Variants in PROX1 observed in about 807,000 individuals in gnomAD.
PROX1 encodes prospero homeobox 1.
A neutral mutation model predicts 58.8 loss-of-function variants in PROX1; 7 were observed. That is an observed-to-expected ratio of 0.12 (90% CI 0.07 to 0.22). The LOEUF (loss-of-function observed/expected upper bound fraction) is 0.22, where lower values mean the gene tolerates loss of function less well. Among genes scored for constraint, PROX1 ranks in the 10% least tolerant of loss-of-function variants. The pLI, the probability that PROX1 is intolerant of heterozygous loss-of-function variation, is 1.00. For synonymous variants in PROX1, 350 were observed against 358.3 expected (o/e 0.98, Z 0.26); for missense variants, 675 against 927.8 (o/e 0.73, Z 3.54).
At chr1:214,009,919 G>A (rs1014668149) in intron 3 of PROX1, among the ~76,000 whole-genome samples, 23 of 152,026 alleles carry the variant, frequency 1.5e-4, no homozygotes, top group African/African-American at 5.1e-4. Context: ...AAGCCGTCAC[G>A]GGGGCCTGTA....
At chr1:213,992,747 C>T (rs1047586765) in intron 1 of PROX1, among the ~76,000 whole-genome samples, 14 of 152,096 alleles carry the variant, frequency 9.2e-5, no homozygotes, top group Admixed American at 6.5e-4. Context: ...GGATAATTAC[C>T]GTAATGAAAC....
rs34477510 is a variant in PROX1, at chr1:214,039,800, TACAC to T, written c.*3994_*3997del. ...CCCTTCCCATGCGCACATGTGCGCA[TACAC>T]ACACACACACACACACACACACACA... On this transcript the variant is annotated 3_prime_UTR_variant, in exon 5 of 5. Coordinates refer to ENST00000366958, the MANE Select transcript of PROX1 (RefSeq NM_001270616.2). The T allele has an allele frequency of 0.016, 2,189 of 134,980 alleles. 27 individuals are homozygous for T. Among genetic ancestry groups the T allele is most frequent in the Middle Eastern group, 0.026 (7 of 274 alleles). 8.4% of individuals were successfully genotyped at this position (134,980 alleles called of 1,614,324 possible). A position where few individuals can be genotyped will look rare whatever the true frequency, so the allele number is the denominator to read the frequency against.
At position 214,035,822 on chromosome 1, in the gene PROX1, G is replaced by A. The variant is rs2102788458; in HGVS notation, c.2202G>A (p.Leu734=). 3.7e-6 allele frequency: 6 copies of A among 1,608,664 alleles called. No individual in the cohort carries two copies. The highest frequency in any genetic ancestry group is 4.2e-6 in the Non-Finnish European group (5 of 1,177,786). The change falls in exon 5 of 5, where the codon CTG becomes CTA. Residue 734 remains leucine (L), a synonymous_variant. Transcript: ENST00000366958. ...AATCCCCGAACTGCCTACAAGAGCT[G>A]CTTCATGAGTAGAAATTTCAACAAC... ...IFKSPNCLQE[L]LHE is the part of the protein sequence containing the mutation.
rs1664857464 is a variant in PROX1 at position 214,037,243 on chromosome 1, G to T, written c.*1409G>T. 1 of 152,044 alleles carries T rather than the reference G, an allele frequency of 6.6e-6. No homozygotes were observed. Among genetic ancestry groups the T allele is most frequent in the South Asian group, 2.1e-4 (1 of 4,816 alleles). The allele number at this position is 152,044 out of a possible 1,614,324, so 9.4% of individuals were successfully genotyped here. On this transcript the variant is annotated 3_prime_UTR_variant, in exon 5 of 5. Transcript: ENST00000366958. ...CATTCACACTTTTTTTCTTAGGTGG[G>T]TTTTTGTGTCCAGATGCAGTAAGAA... is the stretch of plus-strand genomic sequence containing the variant.
intron 1 of PROX1, among the ~76,000 whole-genome samples, chr1:213,992,154 T>C (rs1663060086): frequency 6.6e-6 from 1 of 152,218 alleles, no homozygotes. Flanking sequence ...GAAAATGTTC[T>C]GTGTTCATTT....
chr1:214,008,045 T>C (rs1663777364), intron 3 of PROX1, among the ~76,000 whole-genome samples: 1 of 133,988 alleles, frequency 7.5e-6, no homozygotes, highest in Admixed American at 8.1e-5. Context: ...ATAATAAAGT[T>C]ATTTTATTCA....
At chr1:214,015,569 G>C (rs558666428) in intron 4 of PROX1, among the ~76,000 whole-genome samples, 53 of 152,016 alleles carry the variant, frequency 3.5e-4, no homozygotes, top group African/African-American at 1.3e-3. Flanking sequence ...AGAAGATGAC[G>C]ATCTCTGTCA....
In PROX1 at chr1:214,040,354, T is replaced by C. The variant is rs188458481; in HGVS notation, c.*4520T>C. ...CTTTTCAACTGAGCCTTCTCTCAAA[T>C]CTGACACCCCCTCAGAATGCACAAA... On this transcript the variant is annotated 3_prime_UTR_variant, in exon 5 of 5. Coordinates refer to ENST00000366958, the MANE Select transcript of PROX1 (RefSeq NM_001270616.2). The C allele has an allele frequency of 3.7e-4, 56 of 152,336 alleles. No individual in the cohort carries two copies. Among genetic ancestry groups the C allele is most frequent in the Non-Finnish European group, 6.8e-4 (46 of 68,018 alleles). The allele number at this position is 152,336 out of a possible 1,614,324, so 9.4% of individuals were successfully genotyped here.
chr1:214,006,674 T>C (rs1663725714), intron 3 of PROX1, among the ~76,000 whole-genome samples: 1 of 152,160 alleles, frequency 6.6e-6, no homozygotes, highest in African/African-American at 2.4e-5. Context: ...TAGAGTCTAG[T>C]AGAACCTGGT....
chr1:214,031,694 G>A (rs76781718), intron 4 of PROX1, among the ~76,000 whole-genome samples: 2,387 of 152,282 alleles, frequency 0.016, 37 homozygotes, highest in Admixed American at 0.048. Flanking sequence ...GTGAAGAGGT[G>A]CAGAAAAATA....
At chr1:213,994,799 A>ATATG (rs1553287376) in intron 1 of PROX1, among the ~76,000 whole-genome samples, 1 of 119,602 alleles carries the variant, frequency 8.4e-6, no homozygotes, top group Non-Finnish European at 1.7e-5. Flanking sequence ...ATATATATAT[A>ATATG]TATAAAGAGG....
intron 4 of PROX1, among the ~76,000 whole-genome samples, chr1:214,023,374 A>C (rs1664350239): frequency 6.6e-6 from 1 of 150,758 alleles, no homozygotes; most frequent in Non-Finnish European, 1.5e-5. Flanking sequence ...TATTTTTTTG[A>C]GACACAGAGT....
chr1:214,035,809 G>C lies in PROX1; in HGVS notation c.2189G>C (p.Cys730Ser). Reference sequence around the variant, plus strand: ...CCTGAGATTTTCAAATCCCCGAACTGCCTACAAGAGCTGCTTCATGAGTAG... The same window carrying C: ...CCTGAGATTTTCAAATCCCCGAACTCCCTACAAGAGCTGCTTCATGAGTAG... ...EVPEIFKSPN[C>S]LQELLHE Residue 730 changes from cysteine to serine, a missense_variant, in exon 5 of 5, where the codon TGC becomes TCC. Physicochemically the swap from Cys to Ser is moderately radical, Grantham distance 112. Transcript: ENST00000366958. 1 of 1,611,856 alleles carries C rather than the reference G, an allele frequency of 6.2e-7. No individual in the cohort carries two copies. Among genetic ancestry groups the C allele is most frequent in the Non-Finnish European group, 8.5e-7 (1 of 1,179,282 alleles).
At position 214,040,045 on chromosome 1, in the gene PROX1, C is replaced by A. The variant is rs896492063; in HGVS notation, c.*4211C>A. On this transcript the variant is annotated 3_prime_UTR_variant, in exon 5 of 5. Transcript: ENST00000366958. Reference sequence around the variant, plus strand: ...TACAAATGTTTCCTTCTGGTACAAACTCTGTGTTTGCAAATTTACAAGAAG... The same window carrying A: ...TACAAATGTTTCCTTCTGGTACAAAATCTGTGTTTGCAAATTTACAAGAAG... The A allele has an allele frequency of 6.6e-6, 1 of 152,180 alleles. No homozygotes were observed. Among genetic ancestry groups the A allele is most frequent in the Non-Finnish European group, 1.5e-5 (1 of 68,028 alleles). 9.4% of individuals were successfully genotyped at this position (152,180 alleles called of 1,614,324 possible).
intron 2 of PROX1, among the ~76,000 whole-genome samples, chr1:213,998,472 A>G (rs1344611803): frequency 6.6e-6 from 1 of 152,202 alleles, no homozygotes; most frequent in Non-Finnish European, 1.5e-5. Context: ...TGCAGCTTCC[A>G]CAAGTTGTTC....
intron 1 of PROX1, among the ~76,000 whole-genome samples, chr1:213,990,094 C>T (rs1662969729): frequency 2.0e-5 from 3 of 150,376 alleles, no homozygotes; most frequent in Admixed American, 2.0e-4. Flanking sequence ...AGAAGACTCC[C>T]TTCTCCTGTT....
intron 4 of PROX1, among the ~76,000 whole-genome samples, chr1:214,017,633 C>A (rs2102745279): frequency 6.6e-6 from 1 of 150,860 alleles, no homozygotes; most frequent in South Asian, 2.2e-4. Flanking sequence ...TAGAATTATA[C>A]AAGGGCAGGC....
In PROX1 at chr1:214,003,583, G is replaced by A. The variant is rs151131969; in HGVS notation, c.1726-1582G>A. Among the ~76,000 whole-genome samples, 25 of 152,176 alleles carry A rather than the reference G, an allele frequency of 1.6e-4. No homozygotes were observed. In the East Asian group the frequency reaches 4.6e-3, roughly 28 times the overall value. On this transcript the variant is annotated intron_variant, in intron 2 of 4. Transcript: ENST00000366958. The stretch of plus-strand genomic sequence containing the variant: ...ACACAAGTTCAGTTAAGCTGCTTTG[G>A]CTTACAGATATAAAATCAAAATTTC...
chr1:214,034,953 A>G (rs200656627), intron 4 of PROX1, among the ~76,000 whole-genome samples: 8,780 of 152,166 alleles, frequency 0.058, 446 homozygotes, highest in Admixed American at 0.15. Flanking sequence ...AGTTTGTATT[A>G]TTATTATTAT....
Sources: allele counts gnomAD v4.1 joint callset (sites outside exome capture counted in the v4.1 genomes callset), GRCh38; gene constraint gnomAD v4.1.1; transcripts MANE v1.5; gene names NCBI Gene and HGNC (gene_info 2026-07-23, HGNC 2026-07-21).